Variants in CTNNA3 observed in about 807,000 individuals in gnomAD.
CTNNA3 encodes the protein catenin alpha 3, also known as catenin alpha-3.
A neutral mutation model predicts 95.7 loss-of-function variants in CTNNA3; 76 were observed. The observed-to-expected ratio is 0.79, with a 90% CI of 0.66 to 0.96. The LOEUF (loss-of-function observed/expected upper bound fraction) is 0.96, where lower values mean the gene tolerates loss of function less well. Among genes scored for constraint, CTNNA3 ranks in the 40% least tolerant of loss-of-function variants. The pLI is 0.00. For synonymous variants in CTNNA3, 431 were observed against 374.4 expected (o/e 1.15, Z -1.74); for missense variants, 1,191 against 1,089.8 (o/e 1.09, Z -1.31).
At chr10:66,540,565 T>C (rs529566736) in intron 10 of CTNNA3, among the ~76,000 whole-genome samples, 2 of 152,108 alleles carry the variant, frequency 1.3e-5, no homozygotes, top group African/African-American at 4.8e-5. Context: ...GAGCCGTTTT[T>C]TCATGTAAAC....
In CTNNA3 at chr10:67,648,810, G is replaced by T. The variant is rs529857222; in HGVS notation, c.-5-1292C>A. On this transcript the variant is annotated intron_variant, in intron 1 of 17. Coordinates refer to ENST00000433211, the MANE Select transcript of CTNNA3 (RefSeq NM_013266.4). ...TAGAAACATGGTCTCTTTTCTCAGC[G>T]ATTCAGCTGCAATGTAAGAGACACG... The T allele has an allele frequency of 1.8e-5, 23 of 1,287,508 alleles. No individual in the cohort carries two copies. The African/African-American group carries it at 2.1e-4, about 12-fold the overall frequency. The allele number at this position is 1,287,508 out of a possible 1,614,324, so 79.8% of individuals were successfully genotyped here. A position where few individuals can be genotyped will look rare whatever the true frequency, so the allele number is the denominator to read the frequency against.
At chr10:67,104,744 C>T (rs1237378286) in intron 7 of CTNNA3, among the ~76,000 whole-genome samples, 1 of 151,960 alleles carries the variant, frequency 6.6e-6, no homozygotes, top group East Asian at 1.9e-4. Flanking sequence ...GAAAAACATA[C>T]TTCTATAATA....
intron 5 of CTNNA3, among the ~76,000 whole-genome samples, chr10:67,346,995 G>T (rs565965182): frequency 1.3e-5 from 2 of 151,926 alleles, no homozygotes; most frequent in African/African-American, 2.4e-5. Flanking sequence ...AAAATTATGA[G>T]AATTTTTTTA....
At chr10:66,964,407 A>G (rs1849289520) in intron 7 of CTNNA3, among the ~76,000 whole-genome samples, 1 of 152,100 alleles carries the variant, frequency 6.6e-6, no homozygotes, top group Middle Eastern at 3.2e-3. Flanking sequence ...ATACATTTTT[A>G]AACTGGCACA....
At chr10:67,282,227 T>G in intron 5 of CTNNA3, among the ~76,000 whole-genome samples, 1 of 152,248 alleles carries the variant, frequency 6.6e-6, no homozygotes, top group East Asian at 1.9e-4. Context: ...TTTATAACTC[T>G]ATATTGAATC....
At chr10:67,549,773 GT>G (rs1296845284) in intron 3 of CTNNA3, among the ~76,000 whole-genome samples, 1 of 152,046 alleles carries the variant, frequency 6.6e-6, no homozygotes, top group Non-Finnish European at 1.5e-5. Context: ...GTAAATTTCA[GT>G]ATACATAAAT....
chr10:66,751,807 A>G (rs1011800877), intron 9 of CTNNA3, among the ~76,000 whole-genome samples: 1 of 152,222 alleles, frequency 6.6e-6, no homozygotes. Flanking sequence ...ACTACACACA[A>G]AAAAGAAAAA....
intron 11 of CTNNA3, among the ~76,000 whole-genome samples, chr10:66,479,978 A>ACC (rs1554972295): frequency 5.3e-5 from 8 of 151,448 alleles, no homozygotes; most frequent in South Asian, 4.2e-4. Flanking sequence ...ACACACACAC[A>ACC]CCCCAGAACT....
chr10:66,577,314 A>G (rs1056707844), intron 10 of CTNNA3, among the ~76,000 whole-genome samples: 31 of 152,068 alleles, frequency 2.0e-4, no homozygotes, highest in Middle Eastern at 3.4e-3. Flanking sequence ...TTATTGTGCA[A>G]AAGCTCTTTA....
intron 7 of CTNNA3, among the ~76,000 whole-genome samples, chr10:67,159,769 T>C (rs1471645046): frequency 6.6e-6 from 1 of 152,100 alleles, no homozygotes; most frequent in Non-Finnish European, 1.5e-5. Context: ...TGTAAAATTC[T>C]TAGAAAAAAA....
chr10:66,418,766 A>C (rs2093167262), intron 11 of CTNNA3, among the ~76,000 whole-genome samples: 1 of 152,096 alleles, frequency 6.6e-6, no homozygotes, highest in African/African-American at 2.4e-5. Flanking sequence ...AGAATAAGGA[A>C]TAAAACTCAT....
At chr10:67,064,500 T>C (rs1855953626) in intron 7 of CTNNA3, among the ~76,000 whole-genome samples, 1 of 152,212 alleles carries the variant, frequency 6.6e-6, no homozygotes, top group African/African-American at 2.4e-5. Context: ...TTTTACATCA[T>C]CTATAGACAC....
intron 5 of CTNNA3, among the ~76,000 whole-genome samples, chr10:67,516,375 A>T (rs1257463033): frequency 6.6e-6 from 1 of 152,136 alleles, no homozygotes; most frequent in Admixed American, 6.5e-5. Flanking sequence ...GAACTCATCA[A>T]CTTTTTCTTC....
intron 9 of CTNNA3, 88 bp downstream of exon 9, chr10:66,766,175 GT>G (rs1241029199): frequency 7.2e-7 from 1 of 1,381,832 alleles, no homozygotes; most frequent in Non-Finnish European, 1.0e-6. Context: ...GGTGTCAAAA[GT>G]TTTTATTTAG....
intron 11 of CTNNA3, among the ~76,000 whole-genome samples, chr10:66,389,041 A>G (rs767098493): frequency 3.9e-5 from 6 of 152,176 alleles, no homozygotes; most frequent in Non-Finnish European, 7.3e-5. Context: ...AACTTCATGA[A>G]GGCTTGAGCT....
intron 15 of CTNNA3, among the ~76,000 whole-genome samples, chr10:66,064,377 C>G (rs945610331): frequency 1.3e-5 from 2 of 152,134 alleles, no homozygotes; most frequent in African/African-American, 4.8e-5. Flanking sequence ...GGTGTTTTAC[C>G]AAGCCTTCTT....
chr10:66,279,164 G>T (rs1289596041), intron 13 of CTNNA3, among the ~76,000 whole-genome samples: 2 of 151,966 alleles, frequency 1.3e-5, no homozygotes, highest in African/African-American at 4.8e-5. Flanking sequence ...GCATCCTGCT[G>T]CCCTGCCAGA....
At chr10:67,198,138 G>A (rs1863460932) in intron 6 of CTNNA3, among the ~76,000 whole-genome samples, 1 of 152,102 alleles carries the variant, frequency 6.6e-6, no homozygotes, top group Non-Finnish European at 1.5e-5. Flanking sequence ...CCACATGTGA[G>A]TAGTGGCTAC....
chr10:67,010,167 A>G (rs1205902026), intron 7 of CTNNA3, among the ~76,000 whole-genome samples: 3 of 152,198 alleles, frequency 2.0e-5, no homozygotes, highest in Admixed American at 2.0e-4. Context: ...ACGCATATGC[A>G]CTAAAGCAGA....
Sources: allele counts gnomAD v4.1 joint callset (sites outside exome capture counted in the v4.1 genomes callset), GRCh38; gene constraint gnomAD v4.1.1; transcripts MANE v1.5; gene names NCBI Gene and HGNC (gene_info 2026-07-23, HGNC 2026-07-21).